The following KCNQ5 variants were observed in gnomAD, a reference collection of about 807,000 sequenced individuals.
KCNQ5 encodes potassium voltage-gated channel subfamily Q member 5.
A neutral mutation model predicts 98.2 loss-of-function variants in KCNQ5; 30 were observed. That is an observed-to-expected ratio of 0.31 (90% confidence interval 0.23 to 0.41). The LOEUF (loss-of-function observed/expected upper bound fraction) is 0.41. Among genes scored for constraint, KCNQ5 ranks in the 10% least tolerant of loss-of-function variants. The pLI, the probability that KCNQ5 is intolerant of heterozygous loss-of-function variation, is 1.00. For synonymous variants in KCNQ5, 458 were observed against 449.4 expected (o/e 1.02, Z -0.24); for missense variants, 835 against 1,182.5 (o/e 0.71, Z 4.31).
chr6:73,107,589 G>T (rs1775056289), intron 6 of KCNQ5, among the ~76,000 whole-genome samples: 1 of 152,174 alleles, frequency 6.6e-6, no homozygotes, highest in Non-Finnish European at 1.5e-5. Context: ...ACCTCTGGAA[G>T]TTGGCTGCAC....
chr6:72,968,500 C>G (rs1182069273), intron 1 of KCNQ5, among the ~76,000 whole-genome samples: 1 of 150,936 alleles, frequency 6.6e-6, no homozygotes, highest in Non-Finnish European at 1.5e-5. Context: ...CAGATTATAT[C>G]TCCCAAATTG....
At chr6:72,964,345 A>G (rs1346275000) in intron 1 of KCNQ5, among the ~76,000 whole-genome samples, 1 of 152,210 alleles carries the variant, frequency 6.6e-6, no homozygotes, top group African/African-American at 2.4e-5. Context: ...GTATTAATCA[A>G]TAGTAGGAAC....
intron 1 of KCNQ5, among the ~76,000 whole-genome samples, chr6:72,837,379 C>T (rs1350510222): frequency 2.0e-5 from 3 of 152,278 alleles, no homozygotes; most frequent in South Asian, 2.1e-4. Context: ...GTTGAAGTTA[C>T]TTGTCCAGAT....
intron 2 of KCNQ5, among the ~76,000 whole-genome samples, chr6:73,034,304 C>T (rs772817139): frequency 6.6e-6 from 1 of 152,088 alleles, no homozygotes; most frequent in Admixed American, 6.5e-5. Flanking sequence ...CAAAAAGGAA[C>T]AAAAACAGCT....
intron 1 of KCNQ5, among the ~76,000 whole-genome samples, chr6:72,771,316 CTT>C (rs748755668): frequency 1.1e-3 from 168 of 152,186 alleles, no homozygotes; most frequent in African/African-American, 3.8e-3. Context: ...TATATCTTGA[CTT>C]AAATTAAACT....
intron 2 of KCNQ5, among the ~76,000 whole-genome samples, chr6:73,015,247 T>C (rs1020780728): frequency 1.3e-5 from 2 of 152,068 alleles, no homozygotes; most frequent in African/African-American, 4.8e-5. Context: ...CTGCAGTTAT[T>C]TTCCTTTGCT....
At chr6:73,078,878 A>C (rs992109893) in intron 5 of KCNQ5, among the ~76,000 whole-genome samples, 1 of 152,262 alleles carries the variant, frequency 6.6e-6, no homozygotes, top group African/African-American at 2.4e-5. Context: ...CATTGTAAAG[A>C]ATTTATGAAA....
chr6:72,729,187 A>G (rs961689573), intron 1 of KCNQ5, among the ~76,000 whole-genome samples: 18 of 152,330 alleles, frequency 1.2e-4, no homozygotes, highest in African/African-American at 4.1e-4. Context: ...TTTTTCCATT[A>G]CAGATAATTG....
At chr6:72,632,595 G>A (rs905392044) in intron 1 of KCNQ5, among the ~76,000 whole-genome samples, 3 of 152,116 alleles carry the variant, frequency 2.0e-5, no homozygotes, top group African/African-American at 7.2e-5. Context: ...CCCGCTTCTA[G>A]TAGTCCCAAG....
intron 1 of KCNQ5, among the ~76,000 whole-genome samples, chr6:72,896,767 T>C (rs931478373): frequency 6.6e-6 from 1 of 152,126 alleles, no homozygotes; most frequent in Non-Finnish European, 1.5e-5. Context: ...GCTCCTAGAA[T>C]TGGTAGGACT....
chr6:73,051,297 C>T (rs1190467888), intron 3 of KCNQ5, among the ~76,000 whole-genome samples: 1 of 152,134 alleles, frequency 6.6e-6, no homozygotes, highest in Non-Finnish European at 1.5e-5. Flanking sequence ...CCAGCATGAG[C>T]GTGCACATGG....
rs189713766 is a variant in KCNQ5, at chr6:72,733,289, G to T, written c.398+110702G>T. Reference sequence around the variant, plus strand: ...CAAAAACAAGGAGAAGTGAAACTAGGCAATAGTAGCACTGTAGAAGTAAAG... The same window carrying T: ...CAAAAACAAGGAGAAGTGAAACTAGTCAATAGTAGCACTGTAGAAGTAAAG... On this transcript the variant is annotated intron_variant, in intron 1 of 13. Transcript: ENST00000370398. Among the ~76,000 whole-genome samples, 49 of 152,244 alleles carry T rather than the reference G, an allele frequency of 3.2e-4. 1 individual carries two copies. The highest frequency in any genetic ancestry group is 6.5e-4 in the Non-Finnish European group (44 of 68,014).
intron 1 of KCNQ5, among the ~76,000 whole-genome samples, chr6:72,854,787 T>C (rs1324988095): frequency 7.0e-6 from 1 of 142,536 alleles, no homozygotes; most frequent in African/African-American, 2.6e-5. Context: ...TGTGTGTGCG[T>C]GCGTAGATTA....
chr6:72,763,683 G>A (rs1772406234), intron 1 of KCNQ5, among the ~76,000 whole-genome samples: 1 of 152,012 alleles, frequency 6.6e-6, no homozygotes, highest in African/African-American at 2.4e-5. Flanking sequence ...TCCAGCCAGG[G>A]CTTTCTCTGA....
At chr6:72,670,058 A>C (rs969750047) in intron 1 of KCNQ5, among the ~76,000 whole-genome samples, 1 of 152,114 alleles carries the variant, frequency 6.6e-6, no homozygotes, top group African/African-American at 2.4e-5. Flanking sequence ...CTACACGTTT[A>C]ATACTCTGCT....
rs541908980 is a variant in KCNQ5 at position 72,705,597 on chromosome 6, T to TG, written c.398+83010_398+83011insG. On this transcript the variant is annotated intron_variant, in intron 1 of 13. Transcript: ENST00000370398. ...TTTTTTGTTGTTGTTTTTGTTTTTT[T>TG]TTTTGTTGTTGTTGTTTTGCTAAAG... 2.7e-3 allele frequency among the ~76,000 whole-genome samples: 151 copies of TG among 56,846 alleles called. 1 individual carries two copies. Among genetic ancestry groups the TG allele is most frequent in the Middle Eastern group, 0.013 (2 of 152 alleles). The allele number at this position is 56,846 out of a possible 152,430, so 37.3% of individuals were successfully genotyped here.
At chr6:72,751,297 T>C (rs1771669786) in intron 1 of KCNQ5, among the ~76,000 whole-genome samples, 1 of 147,092 alleles carries the variant, frequency 6.8e-6, no homozygotes, top group Admixed American at 6.7e-5. Context: ...ATCATCTGTG[T>C]GATTTGGACT....
At chr6:73,097,744 G>T (rs1024017047) in intron 5 of KCNQ5, among the ~76,000 whole-genome samples, 1 of 152,188 alleles carries the variant, frequency 6.6e-6, no homozygotes, top group Middle Eastern at 3.2e-3. Flanking sequence ...AATTCTTTCA[G>T]ATCTTATTCA....
In KCNQ5 at chr6:72,622,362, T is replaced by G. The variant is rs1175010121; in HGVS notation, c.173T>G (p.Leu58Arg). The change falls in exon 1 of 14, where the codon CTG (leucine) becomes CGG (arginine). Residue 58 changes from leucine (L) to arginine (R), a missense_variant. Physicochemically the swap from Leu to Arg is moderately radical, Grantham distance 102 (BLOSUM62 -2). Around this residue, in one of 10 missense-constraint regions of KCNQ5, gnomAD observed 21 missense variants for 43.9 expected, o/e 0.48. Coordinates refer to ENST00000370398, the MANE Select transcript of KCNQ5 (RefSeq NM_019842.4). This position sits in a 1 kb window ranked among gnomAD's most constrained non-coding sequence, Gnocchi z 6.0. ...TCGGCAGCCGCCAGGGGCGACGGCC[T>G]GCTACTGCTGGGCACCCGCGCGGCC... ...LNSAAARGDG[L>R]LLLGTRAATL... is the part of the protein sequence containing the mutation. The G allele has an allele frequency of 1.4e-6, 2 of 1,444,754 alleles. No homozygotes were observed. The highest frequency in any genetic ancestry group is 5.7e-5 in the Admixed American group (2 of 35,012). The allele number at this position is 1,444,754 out of a possible 1,614,324, so 89.5% of individuals were successfully genotyped here. A position where few individuals can be genotyped will look rare whatever the true frequency, so the allele number is the denominator to read the frequency against.
Sources: allele counts gnomAD v4.1 joint callset (sites outside exome capture counted in the v4.1 genomes callset), GRCh38; gene constraint gnomAD v4.1.1; regional missense constraint gnomAD v4.1.1; non-coding constraint Gnocchi (gnomAD v3.1); transcripts MANE v1.5; gene names NCBI Gene and HGNC (gene_info 2026-07-23, HGNC 2026-07-21).